UNKL: variants seen among roughly 807,000 people sequenced by gnomAD.
UNKL encodes putative E3 ubiquitin-protein ligase UNKL.
UNKL carries 60 observed loss-of-function variants against 78.0 expected under a neutral mutation model. The observed-to-expected ratio is 0.77, with a 90% CI of 0.63 to 0.95. The LOEUF is 0.95. Ranked by LOEUF, UNKL falls within the 40% of genes least tolerant of loss-of-function variation. UNKL has a pLI of 0.00. For missense variants in UNKL, 1,159 were observed against 1,045.7 expected (o/e 1.11, Z -1.49); for synonymous variants, 608 against 474.8 (o/e 1.28, Z -3.65).
chr16:1,370,168 C>A lies in UNKL; in HGVS notation c.1547G>T (p.Gly516Val). Reference protein sequence around the residue: ...QQPPPLRSEPGTLGSAASSYS... With the variant: ...QQPPPLRSEPVTLGSAASSYS... ...GGATGAGGCTGCAGAGCCCAGTGTG[C>A]CCGGCTCTGAACGCAGGGGTGGCGG... Residue 516 changes from glycine (G) to valine (V), a missense_variant, in exon 12 of 15, where the codon GGC becomes GTC. By Grantham distance (109) the Gly-to-Val change is moderately radical. Coordinates refer to ENST00000389221, the MANE Select transcript of UNKL (RefSeq NM_001372107.1). 1 of 1,514,726 alleles carries A rather than the reference C, an allele frequency of 6.6e-7. No homozygotes were observed. The highest frequency in any genetic ancestry group is 8.9e-7 in the Non-Finnish European group (1 of 1,126,646). 93.8% of individuals were successfully genotyped at this position (1,514,726 alleles called of 1,614,324 possible). A position where few individuals can be genotyped will look rare whatever the true frequency, so the allele number is the denominator to read the frequency against.
In UNKL at chr16:1,414,024, G is replaced by T; in HGVS notation, c.109C>A (p.Pro37Thr). ...GCGCACTTGTGCTGTGAAAACAGGGGGCACTGCTCCGTCCTGAACTCCTTC... is the reference window on the plus strand; with the variant it reads ...GCGCACTTGTGCTGTGAAAACAGGGTGCACTGCTCCGTCCTGAACTCCTTC... ...YLKEFRTEQC[P>T]LFSQHKCAQH... The change falls in exon 2 of 15, where the codon CCC becomes ACC. Residue 37 changes from proline (P) to threonine (T), a missense_variant. Pro to Thr is a conservative substitution (Grantham distance 38). Coordinates refer to ENST00000389221, the MANE Select transcript of UNKL (RefSeq NM_001372107.1). The T allele has an allele frequency of 6.4e-7, 1 of 1,550,920 alleles. No individual in the cohort carries two copies. Among genetic ancestry groups the T allele is most frequent in the Non-Finnish European group, 8.7e-7 (1 of 1,147,058 alleles).
Position 1,369,069 on chromosome 16 carries a change from T to A in UNKL, c.1585+1061A>T, listed in dbSNP as rs1416359197. Among the ~76,000 whole-genome samples the A allele has an allele frequency of 3.9e-5, 5 of 129,400 alleles. 1 individual carries two copies. The South Asian group carries it at 1.1e-3, about 29-fold the overall frequency. The allele number at this position is 129,400 out of a possible 152,430, so 84.9% of individuals were successfully genotyped here. A position where few individuals can be genotyped will look rare whatever the true frequency, so the allele number is the denominator to read the frequency against. On this transcript the variant is annotated intron_variant, in intron 12 of 14. Transcript: ENST00000389221. ...CCAAAGTATTAGTTTTTTTTTTTTT[T>A]TTTTTTTTTTTTTTGAAATGGAGTC...
At chr16:1,393,662 G>A (rs2037141398) in intron 7 of UNKL, among the ~76,000 whole-genome samples, 1 of 152,234 alleles carries the variant, frequency 6.6e-6, no homozygotes, top group Non-Finnish European at 1.5e-5. Flanking sequence ...CCTGCTTGAG[G>A]GTCTCTGCTG....
At position 1,363,269 on chromosome 16, in the gene UNKL, T is replaced by C. The variant is rs982340979; in HGVS notation, c.*2971A>G. 1.0e-4 allele frequency: 67 copies of C among 656,570 alleles called. No homozygotes were observed. In the East Asian group the frequency reaches 1.5e-3, roughly 14 times the overall value. The allele number at this position is 656,570 out of a possible 1,614,324, so 40.7% of individuals were successfully genotyped here. ...ATAACTCCATGAATTCTGTAAACCATTGCATAAATGCTATAGTGTAAAAAA... is the reference window on the plus strand; with the variant it reads ...ATAACTCCATGAATTCTGTAAACCACTGCATAAATGCTATAGTGTAAAAAA... On this transcript the variant is annotated 3_prime_UTR_variant, in exon 15 of 15. Transcript: ENST00000389221.
chr16:1,367,044 A>C (rs1214666001), intron 14 of UNKL, 48 bp downstream of exon 14: 2 of 1,471,828 alleles, frequency 1.4e-6, no homozygotes, highest in Admixed American at 4.5e-5. Flanking sequence ...CAGGGACAGC[A>C]GCCCTGCAGG....
At chr16:1,380,109 C>G (rs539173246) in intron 10 of UNKL, among the ~76,000 whole-genome samples, 1 of 152,222 alleles carries the variant, frequency 6.6e-6, no homozygotes, top group Non-Finnish European at 1.5e-5. Context: ...GCTCGCAGGT[C>G]TCTCTTAATC....
intron 2 of UNKL, chr16:1,408,615 C>G (rs1175945048): frequency 6.5e-6 from 1 of 153,500 alleles, no homozygotes; most frequent in Non-Finnish European, 1.5e-5. Context: ...TCACCCTCCA[C>G]GGAGGGAGGG....
Position 1,406,424 on chromosome 16 carries a change from G to A in UNKL, c.288-3080C>T, listed in dbSNP as rs2037767067. 1.3e-5 allele frequency among the ~76,000 whole-genome samples: 2 copies of A among 152,108 alleles called. 1 individual carries two copies. The highest frequency in any genetic ancestry group is 4.1e-4 in the South Asian group (2 of 4,822). On this transcript the variant is annotated intron_variant, in intron 2 of 14. Coordinates refer to ENST00000389221, the MANE Select transcript of UNKL (RefSeq NM_001372107.1). Reference sequence around the variant, plus strand: ...GACAGGGTTTCACCATGTTGACCAGGCTGGTCTTGAACTCCTGACATCAGG... The same window carrying A: ...GACAGGGTTTCACCATGTTGACCAGACTGGTCTTGAACTCCTGACATCAGG...
In UNKL at chr16:1,399,675, C is replaced by T. The variant is rs1044798853; in HGVS notation, c.599-166G>A. 19 of 1,064,842 alleles carry T rather than the reference C, an allele frequency of 1.8e-5. No individual in the cohort carries two copies. The highest frequency in any genetic ancestry group is 2.9e-4 in the Middle Eastern group (1 of 3,422). The allele number at this position is 1,064,842 out of a possible 1,614,324, so 66.0% of individuals were successfully genotyped here. ...GCACACGCTGATGTCAAAGGACTCG[C>T]GCTCCATGAGGGAAGCCGGGCCAGA... is the stretch of plus-strand genomic sequence containing the variant. On this transcript the variant is annotated intron_variant, in intron 4 of 14. Coordinates refer to ENST00000389221, the MANE Select transcript of UNKL (RefSeq NM_001372107.1). This position sits in a 1 kb window ranked among gnomAD's most constrained non-coding sequence, Gnocchi z 5.8.
chr16:1,399,074 C>A lies in UNKL; in HGVS notation c.734+300G>T. On this transcript the variant is annotated intron_variant, in intron 5 of 14. Transcript: ENST00000389221. The surrounding 1 kb of genome is among the most constrained non-coding windows in gnomAD (Gnocchi z 5.8). ...AGGCACGGGTGGGGCACACGGGGGT[C>A]CCAGCTGGGCTTGGGGTCCCTCCTG... 1 of 1,348,164 alleles carries A rather than the reference C, an allele frequency of 7.4e-7. No homozygotes were observed. Among genetic ancestry groups the A allele is most frequent in the African/African-American group, 1.5e-5 (1 of 67,990 alleles). The allele number at this position is 1,348,164 out of a possible 1,614,324, so 83.5% of individuals were successfully genotyped here.
intron 6 of UNKL, chr16:1,395,730 G>T (rs776240594): frequency 4.4e-6 from 2 of 456,636 alleles, no homozygotes; most frequent in Non-Finnish European, 4.4e-6. Flanking sequence ...CCACTCAGCT[G>T]GGTACCAGAG....
At chr16:1,406,188 G>A (rs1567237690) in intron 2 of UNKL, 3 of 371,366 alleles carry the variant, frequency 8.1e-6, no homozygotes, top group Non-Finnish European at 1.6e-5. Flanking sequence ...GGGAGGAACA[G>A]GCGTACTCCC....
chr16:1,385,980 A>G (rs945597555), intron 9 of UNKL, among the ~76,000 whole-genome samples: 3 of 152,280 alleles, frequency 2.0e-5, no homozygotes, highest in African/African-American at 7.2e-5. Flanking sequence ...TCAAAAGAAA[A>G]AGAGCAACAC....
At chr16:1,394,353 G>T in intron 6 of UNKL, 138 bp from the exon 7 acceptor site, 1 of 1,020,394 alleles carries the variant, frequency 9.8e-7, no homozygotes, top group Non-Finnish European at 1.5e-6. Flanking sequence ...CGTGGGCCCT[G>T]CCCTCCTCCA....
Position 1,414,646 on chromosome 16 carries a change from G to C in UNKL, c.46C>G (p.Pro16Ala). Residue 16 changes from proline to alanine, a missense_variant, in exon 1 of 15, where the codon CCC becomes GCC. Pro to Ala is a conservative substitution (Grantham distance 27, BLOSUM62 -1). Coordinates refer to ENST00000389221, the MANE Select transcript of UNKL (RefSeq NM_001372107.1). The part of the protein sequence containing the change: ...KAAAAALSGS[P>A]PQTEKPTHYR... Reference sequence around the variant, plus strand: ...TGGGTCGGCTTCTCAGTCTGCGGGGGGGACCCGCTCAGCGCCGCTGCCGCC... The same window carrying C: ...TGGGTCGGCTTCTCAGTCTGCGGGGCGGACCCGCTCAGCGCCGCTGCCGCC... 5 of 1,141,456 alleles carry C rather than the reference G, an allele frequency of 4.4e-6. No homozygotes were observed. The highest frequency in any genetic ancestry group is 5.4e-6 in the Non-Finnish European group (5 of 919,054). 70.7% of individuals were successfully genotyped at this position (1,141,456 alleles called of 1,614,324 possible).
chr16:1,413,755 A>G (rs990572020), intron 2 of UNKL, 91 bp downstream of exon 2: 2 of 1,368,796 alleles, frequency 1.5e-6, no homozygotes, highest in Non-Finnish European at 1.9e-6. Context: ...AGGTATGGAC[A>G]CTAAGGCGTC....
At chr16:1,369,055 G>GTTTTTTTTTTTT in intron 12 of UNKL, among the ~76,000 whole-genome samples, 1 of 53,722 alleles carries the variant, frequency 1.9e-5, no homozygotes, top group South Asian at 1.3e-3. Flanking sequence ...CAAAGTATTA[G>GTTTTTTTTTTTT]TTTTTTTTTT....
At chr16:1,383,734 G>A (rs773034688) in intron 10 of UNKL, 28 of 403,244 alleles carry the variant, frequency 6.9e-5, no homozygotes, top group Non-Finnish European at 1.2e-4. Context: ...TCTGGCCGCC[G>A]GGCCGCCGCC....
rs1263731909 is a variant in UNKL at position 1,367,105 on chromosome 16, T to A, written c.2033A>T (p.Glu678Val). 2.5e-6 allele frequency: 4 copies of A among 1,574,966 alleles called. No individual in the cohort carries two copies. The highest frequency in any genetic ancestry group is 3.4e-6 in the Non-Finnish European group (4 of 1,164,300). Reference sequence around the variant, plus strand: ...AGCAGGACTCACGCCGTCCACCGCCTCCAGGTCCAGGCGCAGCTGACTCTG... The same window carrying A: ...AGCAGGACTCACGCCGTCCACCGCCACCAGGTCCAGGCGCAGCTGACTCTG... ...SLQSQLRLDLEAVDGVIFQLR... is the reference protein window; with the variant it reads ...SLQSQLRLDLVAVDGVIFQLR... The change falls in exon 14 of 15, where the codon GAG (glutamate) becomes GTG (valine). Residue 678 changes from glutamate to valine, a missense_variant. Transcript: ENST00000389221.
Sources: gnomAD v4.1 joint callset for allele counts (sites outside exome capture counted in the v4.1 genomes callset) on GRCh38, gnomAD v4.1.1 for gene constraint, Gnocchi (gnomAD v3.1) non-coding constraint, MANE v1.5 for transcripts, NCBI Gene and HGNC (gene_info 2026-07-23, HGNC 2026-07-21) for gene names.